Variants in CTNNA3 observed in about 807,000 individuals in gnomAD.
CTNNA3 encodes the protein catenin alpha-3.
In CTNNA3, 76 loss-of-function variants were observed where a neutral mutation model predicts 95.7. That is an observed-to-expected ratio of 0.79 (90% CI 0.66 to 0.96). The LOEUF (loss-of-function observed/expected upper bound fraction) is 0.96. Ranked by LOEUF, CTNNA3 falls within the 40% of genes least tolerant of loss-of-function variation. The pLI, the probability that CTNNA3 is intolerant of heterozygous loss-of-function variation, is 0.00. For missense variants in CTNNA3, 1,191 were observed against 1,089.8 expected (o/e 1.09, Z -1.31); for synonymous variants, 431 against 374.4 (o/e 1.15, Z -1.74).
intron 17 of CTNNA3, among the ~76,000 whole-genome samples, chr10:65,929,669 C>G (rs772990541): frequency 6.6e-6 from 1 of 151,356 alleles, no homozygotes; most frequent in East Asian, 2.0e-4. Context: ...TCCGGGTTCA[C>G]GCCATTCTCC....
chr10:66,238,516 AT>A (rs577698147), intron 13 of CTNNA3, among the ~76,000 whole-genome samples: 30 of 152,134 alleles, frequency 2.0e-4, no homozygotes, highest in African/African-American at 7.0e-4. Context: ...CCAATAAAAG[AT>A]TTGCCTTCAT....
At chr10:67,063,015 T>C (rs974484908) in intron 7 of CTNNA3, among the ~76,000 whole-genome samples, 1 of 152,286 alleles carries the variant, frequency 6.6e-6, no homozygotes, top group African/African-American at 2.4e-5. Context: ...TCCAGTGCTA[T>C]GTAAGCACCT....
chr10:66,647,935 A>T (rs1035761369), intron 9 of CTNNA3, among the ~76,000 whole-genome samples: 2 of 152,122 alleles, frequency 1.3e-5, no homozygotes, highest in Non-Finnish European at 2.9e-5. Context: ...AAAGAGATAA[A>T]CTGCCTATAG....
intron 17 of CTNNA3, among the ~76,000 whole-genome samples, chr10:65,944,874 A>ATCTATCTATCTATCTATCTG (rs2077488524): frequency 6.8e-6 from 1 of 147,782 alleles, no homozygotes; most frequent in Non-Finnish European, 1.5e-5. Flanking sequence ...CTATCTATCT[A>ATCTATCTATCTATCTATCTG]TCTATCTATC....
intron 5 of CTNNA3, among the ~76,000 whole-genome samples, chr10:67,449,880 G>C (rs868004883): frequency 6.6e-6 from 1 of 151,820 alleles, no homozygotes; most frequent in Non-Finnish European, 1.5e-5. Flanking sequence ...CTAAATAGTA[G>C]GAAAAAATTT....
At chr10:67,492,552 G>T (rs1238600821) in intron 5 of CTNNA3, among the ~76,000 whole-genome samples, 1 of 152,178 alleles carries the variant, frequency 6.6e-6, no homozygotes, top group African/African-American at 2.4e-5. Context: ...GGAGAAGCCA[G>T]GCAATAAACA....
intron 10 of CTNNA3, among the ~76,000 whole-genome samples, chr10:66,542,946 A>G (rs1341363924): frequency 6.6e-6 from 1 of 152,144 alleles, no homozygotes; most frequent in African/African-American, 2.4e-5. Flanking sequence ...TTTAAAATAG[A>G]AATTCTACTT....
At chr10:67,200,716 A>T (rs892343079) in intron 6 of CTNNA3, among the ~76,000 whole-genome samples, 1 of 152,160 alleles carries the variant, frequency 6.6e-6, no homozygotes, top group Non-Finnish European at 1.5e-5. Context: ...CCCTTTCCTC[A>T]TTAACTCCCT....
At chr10:67,343,852 A>AT (rs1012646912) in intron 5 of CTNNA3, among the ~76,000 whole-genome samples, 15 of 150,652 alleles carry the variant, frequency 1.0e-4, no homozygotes, top group Non-Finnish European at 2.1e-4. Flanking sequence ...AAGGCTTTCA[A>AT]TTTTTTCTCC....
intron 5 of CTNNA3, among the ~76,000 whole-genome samples, chr10:67,421,892 C>T (rs966770204): frequency 6.6e-6 from 1 of 152,048 alleles, no homozygotes; most frequent in African/African-American, 2.4e-5. Context: ...AAAATATATA[C>T]ATAGAAATAT....
chr10:67,127,008 A>G (rs1254196088), intron 7 of CTNNA3, among the ~76,000 whole-genome samples: 1 of 152,176 alleles, frequency 6.6e-6, no homozygotes, highest in Non-Finnish European at 1.5e-5. Context: ...ACCTTTTAAT[A>G]CAGCTACAGC....
At chr10:66,411,807 T>C (rs1002725609) in intron 11 of CTNNA3, among the ~76,000 whole-genome samples, 1 of 152,160 alleles carries the variant, frequency 6.6e-6, no homozygotes, top group African/African-American at 2.4e-5. Flanking sequence ...ACACAGCTTC[T>C]TGTATGAAGA....
At chr10:67,513,470 T>C (rs1839706800) in intron 5 of CTNNA3, among the ~76,000 whole-genome samples, 1 of 152,222 alleles carries the variant, frequency 6.6e-6, no homozygotes, top group Non-Finnish European at 1.5e-5. Flanking sequence ...TAGAGAAGAC[T>C]GCACCCACAT....
At chr10:66,360,328 C>G (rs887065979) in intron 12 of CTNNA3, among the ~76,000 whole-genome samples, 4 of 151,928 alleles carry the variant, frequency 2.6e-5, no homozygotes, top group African/African-American at 9.7e-5. Context: ...AAAAGTTACT[C>G]TCATATCTAA....
chr10:67,466,306 T>C (rs1014166417), intron 5 of CTNNA3, among the ~76,000 whole-genome samples: 10 of 152,192 alleles, frequency 6.6e-5, no homozygotes, highest in Admixed American at 3.9e-4. Context: ...AATTATAAAA[T>C]AGAGTTGGAA....
intron 5 of CTNNA3, among the ~76,000 whole-genome samples, chr10:67,391,076 A>T (rs1844454011): frequency 6.6e-6 from 1 of 150,598 alleles, no homozygotes; most frequent in Non-Finnish European, 1.5e-5. Flanking sequence ...CAGGAGAAGG[A>T]AATAAAGGGT....
At chr10:66,326,693 G>A (rs991984395) in intron 12 of CTNNA3, among the ~76,000 whole-genome samples, 4 of 151,922 alleles carry the variant, frequency 2.6e-5, no homozygotes, top group Admixed American at 6.5e-5. Flanking sequence ...TTAAATTCAC[G>A]TGTGTATTGG....
At chr10:67,382,737 C>T (rs1029193656) in intron 5 of CTNNA3, among the ~76,000 whole-genome samples, 1 of 152,072 alleles carries the variant, frequency 6.6e-6, no homozygotes, top group Non-Finnish European at 1.5e-5. Context: ...TTATTTGGCT[C>T]ATTCTGCAGG....
At chr10:66,849,985 T>TA (rs954418508) in intron 7 of CTNNA3, among the ~76,000 whole-genome samples, 6 of 151,908 alleles carry the variant, frequency 3.9e-5, no homozygotes, top group African/African-American at 1.5e-4. Flanking sequence ...GAGCATGTTT[T>TA]TTTGCACTGA....
Sources: allele counts gnomAD v4.1 joint callset (sites outside exome capture counted in the v4.1 genomes callset), GRCh38; gene constraint gnomAD v4.1.1; transcripts MANE v1.5; gene names NCBI Gene and HGNC (gene_info 2026-07-23, HGNC 2026-07-21).